Variants in SLIT3 observed in about 807,000 individuals in gnomAD.
The protein encoded by SLIT3 is slit guidance ligand 3, also known as slit homolog 3 protein.
In SLIT3, 68 loss-of-function variants were observed where a neutral mutation model predicts 184.0. The ratio of observed to expected loss-of-function variants is 0.37; its 90% CI spans 0.30 to 0.45. The LOEUF (loss-of-function observed/expected upper bound fraction) is 0.45. Ranked by LOEUF, SLIT3 falls within the 20% of genes least tolerant of loss-of-function variation. The probability of loss-of-function intolerance (pLI) is 1.00; values close to 1 mark genes in which losing one functional copy is unlikely to be tolerated. For missense variants in SLIT3, 1,707 were observed against 2,026.0 expected, an observed-to-expected ratio of 0.84 and a Z score of 3.02; for synonymous variants, 831 against 828.6, an observed-to-expected ratio of 1.00 and a Z score of -0.05.
intron 6 of SLIT3, among the ~76,000 whole-genome samples, chr5:168,831,360 C>T (rs1239018262): frequency 2.0e-5 from 3 of 152,026 alleles, no homozygotes; most frequent in Admixed American, 1.3e-4. Context: ...CCATCTCTTT[C>T]GCATTACCTG....
At chr5:169,254,381 C>G (rs537078675) in intron 1 of SLIT3, among the ~76,000 whole-genome samples, 273 of 152,244 alleles carry the variant, frequency 1.8e-3, no homozygotes, top group African/African-American at 6.4e-3. Context: ...GGGTTCTGAA[C>G]TGTCAGCAGG....
chr5:168,712,250 G>C, intron 24 of SLIT3, 33 bp downstream of exon 24: 1 of 1,582,826 alleles, frequency 6.3e-7, no homozygotes, highest in Non-Finnish European at 8.7e-7. Flanking sequence ...TTCATGTTTT[G>C]AATGTTCATT....
intron 4 of SLIT3, among the ~76,000 whole-genome samples, chr5:168,892,704 T>C (rs1206947171): frequency 1.3e-5 from 2 of 152,226 alleles, no homozygotes; most frequent in Non-Finnish European, 2.9e-5. Flanking sequence ...AACTGATGCT[T>C]CCAGTCCAAA....
rs568900636 is a variant in SLIT3 at position 168,692,536 on chromosome 5, G to T, written c.3176+71C>A. ...AGAGCATGCAGAGAGACCAGAGACT[G>T]CCTAAAACCTAGACTGTTAGAGGCA... On this transcript the variant is annotated intron_variant, in intron 29 of 35. Transcript: ENST00000519560. 4 of 982,100 alleles carry T rather than the reference G, an allele frequency of 4.1e-6. No homozygotes were observed. The African/African-American group carries it at 4.8e-5, about 12-fold the overall frequency. The allele number at this position is 982,100 out of a possible 1,614,324, so 60.8% of individuals were successfully genotyped here. A position where few individuals can be genotyped will look rare whatever the true frequency, so the allele number is the denominator to read the frequency against.
At chr5:168,709,793 A>G (rs954726610) in intron 25 of SLIT3, among the ~76,000 whole-genome samples, 2 of 152,100 alleles carry the variant, frequency 1.3e-5, no homozygotes, top group Non-Finnish European at 2.9e-5. Context: ...TTGATGAAAA[A>G]TTCAGGTTCC....
chr5:169,157,155 G>A (rs1055220912), intron 4 of SLIT3, among the ~76,000 whole-genome samples: 5 of 152,160 alleles, frequency 3.3e-5, no homozygotes, highest in African/African-American at 9.7e-5. Flanking sequence ...ACTTTGCTGA[G>A]TAGTGATGAA....
intron 3 of SLIT3, among the ~76,000 whole-genome samples, chr5:169,211,511 T>C (rs1362112704): frequency 1.3e-5 from 2 of 152,130 alleles, no homozygotes; most frequent in Non-Finnish European, 2.9e-5. Flanking sequence ...ATTCACCTCC[T>C]ACCACTCTCC....
intron 4 of SLIT3, among the ~76,000 whole-genome samples, chr5:168,948,218 G>A (rs1762548992): frequency 6.6e-6 from 1 of 152,142 alleles, no homozygotes; most frequent in African/African-American, 2.4e-5. Flanking sequence ...CCTTGTCCGG[G>A]GCCTGATGCA....
At chr5:169,031,804 T>C (rs1288221932) in intron 4 of SLIT3, among the ~76,000 whole-genome samples, 1 of 152,180 alleles carries the variant, frequency 6.6e-6, no homozygotes, top group Non-Finnish European at 1.5e-5. Flanking sequence ...CTTCGGCTAT[T>C]GTCTGGAGAA....
intron 1 of SLIT3, among the ~76,000 whole-genome samples, chr5:169,271,844 CGTAGACCCTA>C (rs1561779875): frequency 2.6e-5 from 4 of 152,158 alleles, no homozygotes; most frequent in African/African-American, 7.2e-5. Context: ...GAGGCCTTGC[CGTAGACCCTA>C]TCATTATGGG....
intron 4 of SLIT3, among the ~76,000 whole-genome samples, chr5:168,987,686 G>C (rs1249261446): frequency 6.6e-6 from 1 of 152,200 alleles, no homozygotes; most frequent in African/African-American, 2.4e-5. Flanking sequence ...GAACCGAATT[G>C]ATTTAAACCC....
intron 12 of SLIT3, among the ~76,000 whole-genome samples, chr5:168,783,487 C>A (rs1473549150): frequency 2.0e-5 from 3 of 152,110 alleles, no homozygotes; most frequent in African/African-American, 7.2e-5. Flanking sequence ...CCGCCAGCAT[C>A]ACAGCAAGTG....
intron 14 of SLIT3, among the ~76,000 whole-genome samples, chr5:168,770,743 C>T (rs943355900): frequency 1.3e-5 from 2 of 152,166 alleles, no homozygotes; most frequent in Non-Finnish European, 2.9e-5. Flanking sequence ...TCAGCTTCCC[C>T]TCCCCCACAT....
At chr5:169,053,836 T>A (rs990460862) in intron 4 of SLIT3, among the ~76,000 whole-genome samples, 6 of 152,044 alleles carry the variant, frequency 3.9e-5, no homozygotes, top group East Asian at 1.9e-4. Flanking sequence ...GCCTATAATC[T>A]CTGCACTTTG....
chr5:168,704,112 A>G (rs906024294), intron 26 of SLIT3, among the ~76,000 whole-genome samples: 1 of 151,916 alleles, frequency 6.6e-6, no homozygotes, highest in Non-Finnish European at 1.5e-5. Context: ...AAAAAAATGC[A>G]CACTCTCAGG....
chr5:168,824,389 C>T (rs1230970752), intron 6 of SLIT3, among the ~76,000 whole-genome samples: 1 of 152,174 alleles, frequency 6.6e-6, no homozygotes, highest in Non-Finnish European at 1.5e-5. Flanking sequence ...GTGTGAGCTC[C>T]ATAAATGAAC....
In SLIT3 at chr5:168,869,468, T is replaced by G. The variant is rs544160708; in HGVS notation, c.485+13797A>C. Among the ~76,000 whole-genome samples, 68 of 152,332 alleles carry G rather than the reference T, an allele frequency of 4.5e-4. 1 individual carries two copies. The highest frequency in any genetic ancestry group is 3.5e-3 in the South Asian group (17 of 4,828). On this transcript the variant is annotated intron_variant, in intron 5 of 35. Coordinates refer to ENST00000519560, the MANE Select transcript of SLIT3 (RefSeq NM_003062.4). Reference sequence around the variant, plus strand: ...AAATTAATAAGAACTGTGTCTGATATGCAGTCAGGGTTTGACAAAAGCTTA... The same window carrying G: ...AAATTAATAAGAACTGTGTCTGATAGGCAGTCAGGGTTTGACAAAAGCTTA...
intron 4 of SLIT3, among the ~76,000 whole-genome samples, chr5:169,002,056 G>T (rs1298247107): frequency 6.6e-6 from 1 of 152,056 alleles, no homozygotes; most frequent in Non-Finnish European, 1.5e-5. Context: ...GTTCACTCCT[G>T]TAATCACAGC....
At chr5:168,812,986 A>G (rs1258388295) in intron 8 of SLIT3, among the ~76,000 whole-genome samples, 3 of 151,828 alleles carry the variant, frequency 2.0e-5, no homozygotes, top group Non-Finnish European at 4.4e-5. Flanking sequence ...TTGAGAGGCT[A>G]TTAGGTTCAA....
Sources: gnomAD v4.1 joint callset for allele counts (sites outside exome capture counted in the v4.1 genomes callset) on GRCh38, gnomAD v4.1.1 for gene constraint, MANE v1.5 for transcripts, NCBI Gene and HGNC (gene_info 2026-07-23, HGNC 2026-07-21) for gene names.